The following MECOM variants were observed in gnomAD, a reference collection of about 807,000 sequenced individuals.
MECOM encodes MDS1 and EVI1 complex locus.
MECOM carries 13 observed loss-of-function variants against 116.3 expected under a neutral mutation model. The observed-to-expected ratio is 0.11, with a 90% CI of 0.07 to 0.18. The LOEUF is 0.18. Ranked by LOEUF, MECOM falls within the 10% of genes least tolerant of loss-of-function variation. The probability of loss-of-function intolerance (pLI) is 1.00; values close to 1 mark genes in which losing one functional copy is unlikely to be tolerated. For missense variants in MECOM, 1,299 were observed against 1,509.0 expected, an observed-to-expected ratio of 0.86 and a Z score of 2.31; for synonymous variants, 528 against 535.2, an observed-to-expected ratio of 0.99 and a Z score of 0.19.
chr3:169,439,722 T>C (rs973518770), intron 1 of MECOM, among the ~76,000 whole-genome samples: 1 of 152,196 alleles, frequency 6.6e-6, no homozygotes, highest in Non-Finnish European at 1.5e-5. Context: ...ATTCCAGTCT[T>C]GTACGTACAT....
chr3:169,647,587 G>A (rs150376403), intron 1 of MECOM, among the ~76,000 whole-genome samples: 18 of 152,188 alleles, frequency 1.2e-4, no homozygotes, highest in Admixed American at 2.6e-4. Flanking sequence ...CAAATATTGT[G>A]CTCTAAGGGA....
chr3:169,250,211 G>A (rs1756090434), intron 2 of MECOM, among the ~76,000 whole-genome samples: 1 of 152,154 alleles, frequency 6.6e-6, no homozygotes, highest in Non-Finnish European at 1.5e-5. Flanking sequence ...AAAACACACT[G>A]ACAAAACAAA....
chr3:169,349,141 T>C (rs1005050296), intron 2 of MECOM, among the ~76,000 whole-genome samples: 1 of 151,588 alleles, frequency 6.6e-6, no homozygotes, highest in African/African-American at 2.4e-5. Flanking sequence ...ATCAGGCTTT[T>C]ATTTTAAGGA....
chr3:169,374,759 ATG>A (rs1216900861), intron 2 of MECOM, among the ~76,000 whole-genome samples: 2 of 152,022 alleles, frequency 1.3e-5, no homozygotes, highest in African/African-American at 4.8e-5. Flanking sequence ...AAGGCTGGGC[ATG>A]GTGGCTCATA....
chr3:169,123,483 G>C (rs1411320061), intron 5 of MECOM, among the ~76,000 whole-genome samples: 1 of 151,884 alleles, frequency 6.6e-6, no homozygotes, highest in Non-Finnish European at 1.5e-5. Flanking sequence ...AGTTTAAATT[G>C]TTTTATCTTC....
chr3:169,406,991 T>C (rs1578004974), intron 1 of MECOM, among the ~76,000 whole-genome samples: 1 of 152,008 alleles, frequency 6.6e-6, no homozygotes, highest in Middle Eastern at 3.4e-3. Context: ...TACAGGCACC[T>C]GCCACCACGC....
intron 10 of MECOM, among the ~76,000 whole-genome samples, chr3:169,102,770 G>T (rs1374124962): frequency 1.3e-5 from 2 of 152,038 alleles, no homozygotes; most frequent in Non-Finnish European, 2.9e-5. Flanking sequence ...TATTGCCTAA[G>T]ACTACATTAA....
intron 2 of MECOM, among the ~76,000 whole-genome samples, chr3:169,360,204 G>T (rs1164048273): frequency 6.8e-6 from 1 of 146,538 alleles, no homozygotes; most frequent in African/African-American, 2.5e-5. Context: ...ATATATTTTG[G>T]AATTTCTCTG....
chr3:169,560,817 C>T (rs554565078), intron 1 of MECOM, among the ~76,000 whole-genome samples: 2 of 152,018 alleles, frequency 1.3e-5, no homozygotes, highest in South Asian at 4.2e-4. Flanking sequence ...GCAAATGGGC[C>T]TAAATGAATC....
At chr3:169,197,631 C>A (rs1351967224) in intron 2 of MECOM, among the ~76,000 whole-genome samples, 1 of 151,914 alleles carries the variant, frequency 6.6e-6, no homozygotes, top group Non-Finnish European at 1.5e-5. Flanking sequence ...ATAGAATTCT[C>A]TCTGTATATT....
At chr3:169,214,815 A>C (rs1408514728) in intron 2 of MECOM, among the ~76,000 whole-genome samples, 2 of 148,626 alleles carry the variant, frequency 1.3e-5, no homozygotes, top group African/African-American at 2.4e-5. Context: ...ATATATTTAT[A>C]TATGTCTAGT....
chr3:169,145,143 AACAC>A (rs67598122), intron 2 of MECOM: 28,178 of 510,294 alleles, frequency 0.055, 823 homozygotes, highest in East Asian at 0.21. Flanking sequence ...GATATTATTA[AACAC>A]ACACACACAC....
chr3:169,164,201 A>T (rs1199692175), intron 2 of MECOM, among the ~76,000 whole-genome samples: 1 of 152,048 alleles, frequency 6.6e-6, no homozygotes, highest in East Asian at 1.9e-4. Context: ...TTGAATTATG[A>T]GGGTGGGTCT....
At chr3:169,578,616 C>T (rs1052492008) in intron 1 of MECOM, among the ~76,000 whole-genome samples, 7 of 151,992 alleles carry the variant, frequency 4.6e-5, no homozygotes, top group Non-Finnish European at 8.8e-5. Context: ...TAAACTTTAG[C>T]GTAATAGAGT....
At chr3:169,626,960 C>T (rs1276125775) in intron 1 of MECOM, among the ~76,000 whole-genome samples, 1 of 152,072 alleles carries the variant, frequency 6.6e-6, no homozygotes, top group Non-Finnish European at 1.5e-5. Context: ...TGCACAAACA[C>T]ACATAACAAT....
chr3:169,436,344 A>G (rs1189220373), intron 1 of MECOM, among the ~76,000 whole-genome samples: 1 of 140,678 alleles, frequency 7.1e-6, no homozygotes, highest in Non-Finnish European at 1.5e-5. Context: ...TCCGCCTCCC[A>G]GGTTCAAGCG....
intron 2 of MECOM, among the ~76,000 whole-genome samples, chr3:169,254,188 A>G (rs1276281062): frequency 6.6e-6 from 1 of 152,156 alleles, no homozygotes; most frequent in African/African-American, 2.4e-5. Context: ...AGAAGATGTC[A>G]TTGGGAAGCA....
intron 1 of MECOM, among the ~76,000 whole-genome samples, chr3:169,656,887 CTA>C (rs1775605270): frequency 6.6e-6 from 1 of 152,160 alleles, no homozygotes; most frequent in African/African-American, 2.4e-5. Flanking sequence ...CTTAGAACAA[CTA>C]TGTTTCTATA....
chr3:169,476,116 A>G (rs1750330386), intron 1 of MECOM, among the ~76,000 whole-genome samples: 1 of 152,228 alleles, frequency 6.6e-6, no homozygotes, highest in African/African-American at 2.4e-5. Flanking sequence ...GGGAGAGGAA[A>G]GGGAAACATA....
Sources: gnomAD v4.1 joint callset for allele counts (sites outside exome capture counted in the v4.1 genomes callset) on GRCh38, gnomAD v4.1.1 for gene constraint, MANE v1.5 for transcripts, NCBI Gene and HGNC (gene_info 2026-07-23, HGNC 2026-07-21) for gene names.